The following ARFIP1 variants were observed in gnomAD, a reference collection of about 807,000 sequenced individuals.
ARFIP1 encodes the protein ARF interacting protein 1.
A neutral mutation model predicts 42.5 loss-of-function variants in ARFIP1; 24 were observed. The ratio of observed to expected loss-of-function variants is 0.57; its 90% CI spans 0.41 to 0.80. The LOEUF (loss-of-function observed/expected upper bound fraction) is 0.80. Ranked by LOEUF, ARFIP1 falls within the 30% of genes least tolerant of loss-of-function variation. The pLI, the probability that ARFIP1 is intolerant of heterozygous loss-of-function variation, is 0.00. For synonymous variants in ARFIP1, 141 were observed against 153.7 expected (o/e 0.92, Z 0.61); for missense variants, 354 against 434.0 (o/e 0.82, Z 1.64).
chr4:152,815,338 G>A (rs192707540), intron 1 of ARFIP1, among the ~76,000 whole-genome samples: 10 of 152,232 alleles, frequency 6.6e-5, no homozygotes, highest in Admixed American at 1.3e-4. Context: ...GATATTTACT[G>A]TATGACCCTT....
At chr4:152,783,834 GGT>G (rs748960689) in intron 1 of ARFIP1, among the ~76,000 whole-genome samples, 184 of 149,704 alleles carry the variant, frequency 1.2e-3, no homozygotes, top group African/African-American at 3.6e-3. Flanking sequence ...ATAAGTCTCT[GGT>G]GTGTGTGTGT....
intron 1 of ARFIP1, among the ~76,000 whole-genome samples, chr4:152,824,752 G>A (rs545366559): frequency 6.6e-6 from 1 of 152,162 alleles, no homozygotes; most frequent in Non-Finnish European, 1.5e-5. Context: ...AGGAAGTCCG[G>A]TGATCTCTGT....
intron 1 of ARFIP1, among the ~76,000 whole-genome samples, chr4:152,808,032 G>A (rs1381542708): frequency 6.6e-6 from 1 of 151,988 alleles, no homozygotes; most frequent in Non-Finnish European, 1.5e-5. Context: ...CCAGGCCGGA[G>A]TGCAGTGGCA....
chr4:152,894,492 AAAAATATTCATGCCAG>A (rs1156676615), intron 8 of ARFIP1, among the ~76,000 whole-genome samples: 1 of 152,214 alleles, frequency 6.6e-6, no homozygotes, highest in African/African-American at 2.4e-5. Flanking sequence ...TGAGTACTTT[AAAAATATTCATGCCAG>A]TGACTTAATG....
chr4:152,822,296 T>TAAAAAAAA (rs70949618), intron 1 of ARFIP1, among the ~76,000 whole-genome samples: 8 of 65,580 alleles, frequency 1.2e-4, no homozygotes, highest in East Asian at 4.4e-4. Flanking sequence ...GCAACAGCAG[T>TAAAAAAAA]AAAAAAAAAA....
At chr4:152,805,260 G>A (rs1049070649) in intron 1 of ARFIP1, among the ~76,000 whole-genome samples, 2 of 152,238 alleles carry the variant, frequency 1.3e-5, no homozygotes, top group Non-Finnish European at 2.9e-5. Flanking sequence ...AAGGTCTTAT[G>A]TTGTAAGCAA....
chr4:152,789,958 A>G (rs573344443), intron 1 of ARFIP1, among the ~76,000 whole-genome samples: 2 of 152,240 alleles, frequency 1.3e-5, no homozygotes, highest in East Asian at 1.9e-4. Flanking sequence ...GATTCCTTCT[A>G]TTGGAGAATA....
At chr4:152,887,998 G>A (rs200281813) in intron 7 of ARFIP1, 135 bp from the exon 8 acceptor site, 55 of 527,760 alleles carry the variant, frequency 1.0e-4, no homozygotes, top group South Asian at 4.9e-4. Context: ...TTTCAAAAGC[G>A]TCAAGTAGAA....
chr4:152,845,561 A>C (rs1280940628), intron 2 of ARFIP1, among the ~76,000 whole-genome samples: 1 of 152,260 alleles, frequency 6.6e-6, no homozygotes, highest in African/African-American at 2.4e-5. Flanking sequence ...GACGCTTTTC[A>C]AAAGAAGACA....
intron 1 of ARFIP1, among the ~76,000 whole-genome samples, chr4:152,815,004 T>C (rs1424817550): frequency 3.3e-5 from 5 of 152,198 alleles, no homozygotes; most frequent in African/African-American, 1.2e-4. Flanking sequence ...GTCTTTGTCA[T>C]CAGTCTCAGA....
At chr4:152,904,174 G>GTATATATATATATATATATA (rs1271864223) in intron 8 of ARFIP1, among the ~76,000 whole-genome samples, 1 of 45,244 alleles carries the variant, frequency 2.2e-5, no homozygotes, top group African/African-American at 6.6e-5. Flanking sequence ...ATATATGTGT[G>GTATATATATATATATATATA]TGTGTGTATA....
At chr4:152,883,509 T>G (rs1217364221) in intron 7 of ARFIP1, among the ~76,000 whole-genome samples, 4 of 152,058 alleles carry the variant, frequency 2.6e-5, no homozygotes, top group Non-Finnish European at 5.9e-5. Flanking sequence ...CTTCAAACCC[T>G]TTCAAATTTT....
chr4:152,818,872 A>AT (rs2149838011), intron 1 of ARFIP1, among the ~76,000 whole-genome samples: 1 of 152,288 alleles, frequency 6.6e-6, no homozygotes, highest in South Asian at 2.1e-4. Context: ...TCCCACGCAG[A>AT]TTCTTTTGTA....
intron 2 of ARFIP1, among the ~76,000 whole-genome samples, chr4:152,848,727 G>A (rs1031271755): frequency 1.1e-4 from 17 of 152,200 alleles, no homozygotes; most frequent in African/African-American, 4.1e-4. Context: ...TGTATACACA[G>A]CACAAGTTTT....
intron 1 of ARFIP1, among the ~76,000 whole-genome samples, chr4:152,781,275 G>A (rs148139628): frequency 7.8e-6 from 1 of 128,518 alleles, no homozygotes; most frequent in Non-Finnish European, 1.6e-5. Flanking sequence ...TCACTCTGTC[G>A]CCCAGGCTGG....
At chr4:152,836,741 C>T (rs1731680506) in intron 2 of ARFIP1, among the ~76,000 whole-genome samples, 1 of 151,770 alleles carries the variant, frequency 6.6e-6, no homozygotes, top group Non-Finnish European at 1.5e-5. Flanking sequence ...ATTTTTTTCC[C>T]CTTCCTCTCA....
At chr4:152,853,752 T>G (rs1733184407) in intron 2 of ARFIP1, among the ~76,000 whole-genome samples, 1 of 152,148 alleles carries the variant, frequency 6.6e-6, no homozygotes, top group South Asian at 2.1e-4. Context: ...TTCTAACACT[T>G]TCATTCTCTC....
intron 2 of ARFIP1, among the ~76,000 whole-genome samples, chr4:152,831,853 G>A (rs1341567403): frequency 6.6e-6 from 1 of 151,898 alleles, no homozygotes; most frequent in Non-Finnish European, 1.5e-5. Flanking sequence ...ATGGTGGTTC[G>A]CTGCACCTGT....
chr4:152,903,889 T>C (rs1738060518), intron 8 of ARFIP1, among the ~76,000 whole-genome samples: 1 of 152,108 alleles, frequency 6.6e-6, no homozygotes, highest in African/African-American at 2.4e-5. Flanking sequence ...GCAGGGCTAG[T>C]TAAAAATTTT....
Sources: allele counts gnomAD v4.1 joint callset (sites outside exome capture counted in the v4.1 genomes callset), GRCh38; gene constraint gnomAD v4.1.1; transcripts MANE v1.5; gene names NCBI Gene and HGNC (gene_info 2026-07-23, HGNC 2026-07-21).